NEO1: variants seen among roughly 807,000 people sequenced by gnomAD.
NEO1 encodes neogenin.
NEO1 carries 63 observed loss-of-function variants against 159.7 expected under a neutral mutation model. The observed-to-expected ratio is 0.39, with a 90% CI of 0.32 to 0.49. NEO1 has a LOEUF of 0.49. NEO1 is among the 20% of genes least tolerant of loss of function. NEO1 has a pLI of 0.85. For missense variants in NEO1, 1,615 were observed against 1,831.0 expected (o/e 0.88, Z 2.15); for synonymous variants, 633 against 662.0 (o/e 0.96, Z 0.67).
At chr15:73,288,984 T>C (rs574254517) in intron 24 of NEO1, 162 bp from the exon 25 acceptor site, 55 of 619,764 alleles carry the variant, frequency 8.9e-5, no homozygotes, top group Admixed American at 3.1e-4. Flanking sequence ...CTTGTAATGC[T>C]CTAATGATCA....
chr15:73,271,035 A>T (rs974660938), intron 18 of NEO1, among the ~76,000 whole-genome samples: 1 of 152,140 alleles, frequency 6.6e-6, no homozygotes, highest in East Asian at 1.9e-4. Flanking sequence ...GATATGCATA[A>T]CCATTTCAAA....
At chr15:73,299,567 A>T (rs1005544536) in intron 27 of NEO1, among the ~76,000 whole-genome samples, 1 of 152,112 alleles carries the variant, frequency 6.6e-6, no homozygotes, top group Non-Finnish European at 1.5e-5. Flanking sequence ...TTGTGTATTT[A>T]GTAGAGACGG....
chr15:73,266,241 A>G, intron 15 of NEO1, 75 bp from the exon 16 acceptor site: 1 of 1,144,292 alleles, frequency 8.7e-7, no homozygotes, highest in South Asian at 1.6e-5. Context: ...TGTGGTTAAG[A>G]TTATGCACAG....
intron 5 of NEO1, among the ~76,000 whole-genome samples, chr15:73,154,109 C>A (rs2151849836): frequency 6.6e-6 from 1 of 151,972 alleles, no homozygotes; most frequent in Middle Eastern, 3.4e-3. Context: ...GGTCTTATGT[C>A]CTTTTAAGGA....
intron 1 of NEO1, among the ~76,000 whole-genome samples, chr15:73,084,539 C>T (rs1356592770): frequency 2.0e-5 from 3 of 152,014 alleles, no homozygotes; most frequent in African/African-American, 4.8e-5. Flanking sequence ...TTCCTTTATC[C>T]ATTCATCTGT....
chr15:73,113,597 A>G (rs1201720906), intron 1 of NEO1, among the ~76,000 whole-genome samples: 2 of 152,158 alleles, frequency 1.3e-5, no homozygotes, highest in Admixed American at 1.3e-4. Context: ...TGATTGTGCC[A>G]TCTTCATTTT....
In NEO1 at chr15:73,098,842, A is replaced by G. The variant is rs574765404; in HGVS notation, c.131-17698A>G. ...CTAGATTTTGCAGATTTTCCTCTATAGTGAATGCACTATTTTGCATTTCCA... is the reference window on the plus strand; with the variant it reads ...CTAGATTTTGCAGATTTTCCTCTATGGTGAATGCACTATTTTGCATTTCCA... On this transcript the variant is annotated intron_variant, in intron 1 of 28. Coordinates refer to ENST00000261908, the MANE Select transcript of NEO1 (RefSeq NM_002499.4). 2.0e-5 allele frequency among the ~76,000 whole-genome samples: 3 copies of G among 152,328 alleles called. No individual in the cohort carries two copies. In the East Asian group the frequency reaches 5.8e-4, roughly 29 times the overall value.
chr15:73,126,698 C>T (rs2030299317), intron 4 of NEO1, 128 bp downstream of exon 4: 1 of 752,162 alleles, frequency 1.3e-6, no homozygotes, highest in Non-Finnish European at 2.0e-6. Context: ...GCTCATATGT[C>T]ATCCTTCAAA....
rs945938300 is a variant in NEO1, at chr15:73,268,011, C to T, written c.2494+1600C>T. On this transcript the variant is annotated intron_variant, in intron 16 of 28. Coordinates refer to ENST00000261908, the MANE Select transcript of NEO1 (RefSeq NM_002499.4). ...TACCTTTCCTGAAGGAAGAGTACAT[C>T]CTTGAGTTCCTTTTGCTTTATTTGG... is the stretch of plus-strand genomic sequence containing the variant. 3.3e-5 allele frequency among the ~76,000 whole-genome samples: 5 copies of T among 152,104 alleles called. No individual in the cohort carries two copies. The South Asian group carries it at 1.0e-3, about 32-fold the overall frequency.
chr15:73,182,044 A>G (rs2035642882), intron 7 of NEO1, among the ~76,000 whole-genome samples: 1 of 152,100 alleles, frequency 6.6e-6, no homozygotes, highest in Admixed American at 6.5e-5. Flanking sequence ...GGCAGAAGGC[A>G]AGGAGGAGCG....
intron 5 of NEO1, among the ~76,000 whole-genome samples, chr15:73,166,459 A>G (rs1172502606): frequency 6.6e-6 from 1 of 152,164 alleles, no homozygotes; most frequent in African/African-American, 2.4e-5. Flanking sequence ...GGCACCAAAC[A>G]AGGAGAATCG....
intron 7 of NEO1, among the ~76,000 whole-genome samples, chr15:73,231,441 T>G (rs1230261740): frequency 6.6e-6 from 1 of 152,172 alleles, no homozygotes; most frequent in African/African-American, 2.4e-5. Context: ...GCTATAAAAG[T>G]AGTAAACAGG....
intron 1 of NEO1, among the ~76,000 whole-genome samples, chr15:73,090,939 T>G (rs1030999782): frequency 2.0e-5 from 3 of 152,194 alleles, no homozygotes; most frequent in Non-Finnish European, 4.4e-5. Flanking sequence ...GACTTAATCC[T>G]CCCAATTGCG....
At chr15:73,177,989 C>CT (rs1379864757) in intron 6 of NEO1, among the ~76,000 whole-genome samples, 1 of 152,144 alleles carries the variant, frequency 6.6e-6, no homozygotes, top group Non-Finnish European at 1.5e-5. Flanking sequence ...ACAAATTGGA[C>CT]TTTAACTGTG....
intron 7 of NEO1, among the ~76,000 whole-genome samples, chr15:73,200,461 G>A (rs933369466): frequency 6.6e-6 from 1 of 150,944 alleles, no homozygotes; most frequent in African/African-American, 2.4e-5. Flanking sequence ...AGGGGGAGGG[G>A]GAGAGGGAGA....
chr15:73,223,607 CTCGCTTTTGGTG>C lies in NEO1; in HGVS notation c.1292-12737_1292-12726del, dbSNP rs200934231. Among the ~76,000 whole-genome samples the C allele has an allele frequency of 6.9e-3, 1,052 of 152,296 alleles. 10 individuals are homozygous for C. Among genetic ancestry groups the C allele is most frequent in the South Asian group, 0.05 (243 of 4,816 alleles). ...TCTGATATAAGAATAGCTACCCCTG[CTCGCTTTTGGTG>C]TCCATTTGCATGCAATGCCTTTTTC... On this transcript the variant is annotated intron_variant, in intron 7 of 28. Transcript: ENST00000261908.
chr15:73,192,638 T>C (rs1052052103), intron 7 of NEO1, among the ~76,000 whole-genome samples: 5 of 151,988 alleles, frequency 3.3e-5, no homozygotes, highest in African/African-American at 1.2e-4. Flanking sequence ...AAATACAGAA[T>C]AGAGTGGAAT....
intron 5 of NEO1, among the ~76,000 whole-genome samples, chr15:73,160,004 A>G (rs914319938): frequency 3.9e-5 from 6 of 151,954 alleles, no homozygotes; most frequent in African/African-American, 1.5e-4. Context: ...CATTTTGTGC[A>G]CTGTCTATAT....
At chr15:73,203,586 T>A (rs1198216327) in intron 7 of NEO1, among the ~76,000 whole-genome samples, 2 of 152,188 alleles carry the variant, frequency 1.3e-5, no homozygotes, top group African/African-American at 2.4e-5. Flanking sequence ...TTGAGTACTT[T>A]ATATAATCTT....
Sources: gnomAD v4.1 joint callset for allele counts (sites outside exome capture counted in the v4.1 genomes callset) on GRCh38, gnomAD v4.1.1 for gene constraint, MANE v1.5 for transcripts, NCBI Gene and HGNC (gene_info 2026-07-23, HGNC 2026-07-21) for gene names.